PLPPR1: variants seen among roughly 807,000 people sequenced by gnomAD.
PLPPR1 encodes the protein phospholipid phosphatase related 1.
In PLPPR1, 10 loss-of-function variants were observed where a neutral mutation model predicts 33.1. The ratio of observed to expected loss-of-function variants is 0.30; its 90% CI spans 0.19 to 0.51. The LOEUF (loss-of-function observed/expected upper bound fraction) is 0.51. PLPPR1 is among the 20% of genes least tolerant of loss of function. PLPPR1 has a pLI of 0.97. For synonymous variants in PLPPR1, 151 were observed against 151.0 expected, an observed-to-expected ratio of 1.00 and a Z score of 0.00; for missense variants, 304 against 408.1, an observed-to-expected ratio of 0.74 and a Z score of 2.20.
chr9:101,129,788 G>T (rs541232701), intron 1 of PLPPR1, among the ~76,000 whole-genome samples: 1 of 152,070 alleles, frequency 6.6e-6, no homozygotes, highest in Non-Finnish European at 1.5e-5. Flanking sequence ...GCGAGATCAC[G>T]CCACTGCACT....
Position 101,083,142 on chromosome 9 carries a change from C to G in PLPPR1, c.-46+54040C>G, listed in dbSNP as rs1472002923. On this transcript the variant is annotated intron_variant, in intron 1 of 7. Coordinates refer to ENST00000374874, the MANE Select transcript of PLPPR1 (RefSeq NM_207299.2). ...CTGCTTTATGGAACAGGAACGTACA[C>G]TAGTTCTCTCTAGAATTTTTGTTTT... Among the ~76,000 whole-genome samples the G allele has an allele frequency of 2.6e-5, 4 of 152,104 alleles. No individual in the cohort carries two copies. In the East Asian group the frequency reaches 5.8e-4, roughly 22 times the overall value.
chr9:101,076,346 A>G (rs1273271267), intron 1 of PLPPR1, among the ~76,000 whole-genome samples: 2 of 152,160 alleles, frequency 1.3e-5, no homozygotes, highest in African/African-American at 4.8e-5. Flanking sequence ...TGCCTTTGAG[A>G]AGATAACTTT....
chr9:101,162,952 C>T (rs532990703), intron 1 of PLPPR1, among the ~76,000 whole-genome samples: 7 of 152,242 alleles, frequency 4.6e-5, no homozygotes, highest in African/African-American at 1.4e-4. Context: ...AAAGCCCCAC[C>T]GGCTGACATA....
intron 1 of PLPPR1, among the ~76,000 whole-genome samples, chr9:101,116,541 G>T (rs190011845): frequency 6.6e-6 from 1 of 152,204 alleles, no homozygotes; most frequent in East Asian, 1.9e-4. Flanking sequence ...ACGGCTTGGC[G>T]CAGTGGCTCA....
At chr9:101,084,247 A>G (rs1393996979) in intron 1 of PLPPR1, among the ~76,000 whole-genome samples, 1 of 152,160 alleles carries the variant, frequency 6.6e-6, no homozygotes, top group Non-Finnish European at 1.5e-5. Context: ...CAGGATCTGG[A>G]TAGGTTGAAG....
intron 2 of PLPPR1, among the ~76,000 whole-genome samples, chr9:101,189,876 A>G (rs2118725730): frequency 6.6e-6 from 1 of 151,908 alleles, no homozygotes; most frequent in African/African-American, 2.4e-5. Context: ...AGATTGTCCT[A>G]TTATCTGAAA....
intron 1 of PLPPR1, among the ~76,000 whole-genome samples, chr9:101,053,903 G>A (rs1382200034): frequency 6.6e-6 from 1 of 152,138 alleles, no homozygotes. Context: ...CATTTATCAG[G>A]CTGGGAGAGG....
intron 4 of PLPPR1, among the ~76,000 whole-genome samples, chr9:101,306,185 A>C (rs1828856019): frequency 6.6e-6 from 1 of 152,192 alleles, no homozygotes; most frequent in South Asian, 2.1e-4. Flanking sequence ...TGTGGTGCCA[A>C]GCTGGATGTG....
intron 1 of PLPPR1, among the ~76,000 whole-genome samples, chr9:101,092,308 G>A (rs1830751901): frequency 6.6e-6 from 1 of 152,034 alleles, no homozygotes; most frequent in Non-Finnish European, 1.5e-5. Context: ...GTGATTTATT[G>A]TTGTTGTTGT....
chr9:101,138,295 A>T (rs780595725), intron 1 of PLPPR1, among the ~76,000 whole-genome samples: 3 of 152,180 alleles, frequency 2.0e-5, no homozygotes, highest in Non-Finnish European at 4.4e-5. Context: ...GTTAAAAGTC[A>T]TGGTCATATT....
intron 1 of PLPPR1, among the ~76,000 whole-genome samples, chr9:101,161,156 C>T (rs1037024448): frequency 2.6e-5 from 4 of 152,104 alleles, no homozygotes; most frequent in East Asian, 3.9e-4. Context: ...TCTGAGCTGA[C>T]TACAAATGGA....
chr9:101,286,915 G>T (rs1281904260), intron 4 of PLPPR1, among the ~76,000 whole-genome samples: 1 of 152,156 alleles, frequency 6.6e-6, no homozygotes, highest in African/African-American at 2.4e-5. Flanking sequence ...ATTCTAATGA[G>T]ATCCTACAAA....
chr9:101,083,178 A>G (rs1212408923), intron 1 of PLPPR1, among the ~76,000 whole-genome samples: 1 of 151,912 alleles, frequency 6.6e-6, no homozygotes, highest in Non-Finnish European at 1.5e-5. Context: ...CTTTTTTTTG[A>G]GATCGAGTCT....
chr9:101,231,297 A>G (rs1827180048), intron 2 of PLPPR1, among the ~76,000 whole-genome samples: 1 of 151,490 alleles, frequency 6.6e-6, no homozygotes, highest in Non-Finnish European at 1.5e-5. Context: ...AAACAAAAAA[A>G]CTTGTAAGAG....
At chr9:101,271,463 C>G (rs934193847) in intron 3 of PLPPR1, among the ~76,000 whole-genome samples, 4 of 152,188 alleles carry the variant, frequency 2.6e-5, no homozygotes, top group Non-Finnish European at 5.9e-5. Context: ...TGAGAACCCT[C>G]ATTAAGACCT....
intron 1 of PLPPR1, among the ~76,000 whole-genome samples, chr9:101,148,476 C>A (rs1313987416): frequency 6.6e-6 from 1 of 152,170 alleles, no homozygotes; most frequent in African/African-American, 2.4e-5. Context: ...TTCTTCAGCT[C>A]TCTTGTTGCC....
intron 1 of PLPPR1, among the ~76,000 whole-genome samples, chr9:101,156,558 AAAAAAAAAAAAAAAAG>A (rs1438150920): frequency 7.5e-6 from 1 of 132,922 alleles, no homozygotes; most frequent in African/African-American, 2.6e-5. Flanking sequence ...TCTCCAAAAA[AAAAAAAAAAAAAAAAG>A]AAAGAAAGAA....
intron 1 of PLPPR1, among the ~76,000 whole-genome samples, chr9:101,138,454 G>A (rs1831405376): frequency 1.3e-5 from 2 of 152,156 alleles, no homozygotes; most frequent in African/African-American, 4.8e-5. Flanking sequence ...AAGGTTTACT[G>A]CATGCTGGGT....
chr9:101,148,384 C>T (rs1831546125), intron 1 of PLPPR1, among the ~76,000 whole-genome samples: 1 of 152,158 alleles, frequency 6.6e-6, no homozygotes, highest in African/African-American at 2.4e-5. Context: ...AAATTGCTAG[C>T]AGCTCCCAAG....
Sources: allele counts gnomAD v4.1 joint callset (sites outside exome capture counted in the v4.1 genomes callset), GRCh38; gene constraint gnomAD v4.1.1; transcripts MANE v1.5; gene names NCBI Gene and HGNC (gene_info 2026-07-23, HGNC 2026-07-21).